TRPS1: variants seen among roughly 807,000 people sequenced by gnomAD.
TRPS1 encodes the protein zinc finger transcription factor Trps1.
Under a neutral mutation model 101.2 loss-of-function variants are expected in TRPS1, and 6 were observed. The ratio of observed to expected loss-of-function variants is 0.06; its 90% CI spans 0.03 to 0.12. The LOEUF is 0.12. TRPS1 is among the 10% of genes least tolerant of loss of function. The pLI is 1.00. For missense variants in TRPS1, 1,363 were observed against 1,567.0 expected, an observed-to-expected ratio of 0.87 and a Z score of 2.20; for synonymous variants, 578 against 589.8, an observed-to-expected ratio of 0.98 and a Z score of 0.29.
chr8:115,595,419 C>T (rs918819476), intron 4 of TRPS1, among the ~76,000 whole-genome samples: 1 of 151,872 alleles, frequency 6.6e-6, no homozygotes, highest in African/African-American at 2.4e-5. Context: ...AAATAGTCTA[C>T]AGAACATAAT....
At chr8:115,452,266 T>C (rs755232212) in intron 5 of TRPS1, among the ~76,000 whole-genome samples, 13 of 152,202 alleles carry the variant, frequency 8.5e-5, no homozygotes, top group South Asian at 2.1e-4. Context: ...AGTCGAACAA[T>C]GTTATGACAA....
intron 5 of TRPS1, among the ~76,000 whole-genome samples, chr8:115,473,599 A>C (rs1386302312): frequency 6.6e-6 from 1 of 152,232 alleles, no homozygotes; most frequent in Non-Finnish European, 1.5e-5. Context: ...GTAGGGAAGA[A>C]GAAACAAAAA....
chr8:115,452,997 A>G (rs1312936906), intron 5 of TRPS1, among the ~76,000 whole-genome samples: 1 of 152,148 alleles, frequency 6.6e-6, no homozygotes, highest in Non-Finnish European at 1.5e-5. Context: ...GTATAGTAAT[A>G]AAATAATTTT....
At chr8:115,627,820 C>T (rs937457912) in intron 1 of TRPS1, among the ~76,000 whole-genome samples, 1 of 151,798 alleles carries the variant, frequency 6.6e-6, no homozygotes, top group Non-Finnish European at 1.5e-5. Context: ...CTTAATAAAT[C>T]TGTGTCAATC....
chr8:115,418,297 A>G lies in TRPS1; in HGVS notation c.2823+33T>C, dbSNP rs780965642. On this transcript the variant is annotated intron_variant, in intron 6 of 6. Coordinates refer to ENST00000395715, the MANE Select transcript of TRPS1 (RefSeq NM_014112.5). The surrounding 1 kb of genome is among the most constrained non-coding windows in gnomAD (Gnocchi z 4.3). ...AGACCAGGCCAACACTGCTTTATAAAGCTTTTCCTGAAAGAGTGGAACAAG... is the reference window on the plus strand; with the variant it reads ...AGACCAGGCCAACACTGCTTTATAAGGCTTTTCCTGAAAGAGTGGAACAAG... 5 of 1,613,904 alleles carry G rather than the reference A, an allele frequency of 3.1e-6. No individual in the cohort carries two copies. The African/African-American group carries it at 6.7e-5, about 22-fold the overall frequency.
At chr8:115,568,044 C>T (rs1817110658) in intron 5 of TRPS1, among the ~76,000 whole-genome samples, 1 of 152,006 alleles carries the variant, frequency 6.6e-6, no homozygotes, top group African/African-American at 2.4e-5. Flanking sequence ...GTTGACAATG[C>T]CCAGCATCAT....
In TRPS1 at chr8:115,466,965, G is replaced by A. The variant is rs1292040849; in HGVS notation, c.2701-48513C>T. Reference sequence around the variant, plus strand: ...CTGGAAATTATGCGCTACTTTAATAGACATCCCCTCAGAATGGAATAAAAA... The same window carrying A: ...CTGGAAATTATGCGCTACTTTAATAAACATCCCCTCAGAATGGAATAAAAA... On this transcript the variant is annotated intron_variant, in intron 5 of 6. Coordinates refer to ENST00000395715, the MANE Select transcript of TRPS1 (RefSeq NM_014112.5). Among the ~76,000 whole-genome samples the A allele has an allele frequency of 2.6e-5, 4 of 151,618 alleles. No homozygotes were observed. The East Asian group carries it at 7.7e-4, about 29-fold the overall frequency.
chr8:115,446,003 C>A (rs553218719), intron 5 of TRPS1, among the ~76,000 whole-genome samples: 1 of 151,584 alleles, frequency 6.6e-6, no homozygotes, highest in South Asian at 2.1e-4. Flanking sequence ...CTCTTTTTTC[C>A]CCCTTTCGAA....
intron 6 of TRPS1, among the ~76,000 whole-genome samples, chr8:115,415,425 A>T (rs1812895114): frequency 6.6e-6 from 1 of 152,034 alleles, no homozygotes; most frequent in Non-Finnish European, 1.5e-5. Flanking sequence ...TTTTTCTGAA[A>T]TTTTTTTTCA....
chr8:115,481,302 G>C (rs1405502228), intron 5 of TRPS1, among the ~76,000 whole-genome samples: 1 of 152,044 alleles, frequency 6.6e-6, no homozygotes, highest in Non-Finnish European at 1.5e-5. Flanking sequence ...CAAATGCATT[G>C]AGTTTAAATT....
intron 5 of TRPS1, among the ~76,000 whole-genome samples, chr8:115,421,916 GGAACGCAGAGTA>G (rs1301714754): frequency 6.6e-6 from 1 of 152,112 alleles, no homozygotes; most frequent in Non-Finnish European, 1.5e-5. Context: ...TGTTACCAAA[GGAACGCAGAGTA>G]GAAGCCTCCT....
At chr8:115,533,436 G>GTTTATTTTTTTTTTTTTTT (rs1816187745) in intron 5 of TRPS1, among the ~76,000 whole-genome samples, 1 of 34,986 alleles carries the variant, frequency 2.9e-5, no homozygotes, top group Non-Finnish European at 5.3e-5. Flanking sequence ...CATGTAATCT[G>GTTTATTTTTTTTTTTTTTT]TTTTTTTTTT....
chr8:115,550,475 A>T (rs1407409989), intron 5 of TRPS1, among the ~76,000 whole-genome samples: 1 of 152,186 alleles, frequency 6.6e-6, no homozygotes, highest in East Asian at 1.9e-4. Flanking sequence ...TTAGTGGCTA[A>T]ATCTTAAGGA....
intron 1 of TRPS1, among the ~76,000 whole-genome samples, chr8:115,646,812 T>C (rs1055070002): frequency 6.6e-6 from 1 of 152,156 alleles, no homozygotes; most frequent in Non-Finnish European, 1.5e-5. Flanking sequence ...CATATTACTT[T>C]AAAAAGAGTT....
chr8:115,642,629 T>G (rs889487732), intron 1 of TRPS1, among the ~76,000 whole-genome samples: 18 of 151,936 alleles, frequency 1.2e-4, no homozygotes, highest in Admixed American at 2.0e-4. Flanking sequence ...ATTGGTACTC[T>G]CAATTAGGGA....
rs766183011 is a variant in TRPS1 at position 115,619,211 on chromosome 8, T to C, written c.887A>G (p.Asn296Ser). ...CAGCACACCAGAAAACACAGAACGG[T>C]TGACCTTCTGGAAGTCTTTGGAATG... The part of the protein sequence containing the change: ...FSHSKDFQKV[N>S]RSVFSGVLQD... Residue 296 changes from asparagine (N) to serine (S), a missense_variant, in exon 3 of 7, where the codon AAC (asparagine) becomes AGC (serine). By Grantham distance (46) the Asn-to-Ser change is conservative. Coordinates refer to ENST00000395715, the MANE Select transcript of TRPS1 (RefSeq NM_014112.5). 9 of 1,614,042 alleles carry C rather than the reference T, an allele frequency of 5.6e-6. No individual in the cohort carries two copies. The highest frequency in any genetic ancestry group is 1.1e-5 in the South Asian group (1 of 91,090).
chr8:115,427,625 G>A (rs1813218370), intron 5 of TRPS1, among the ~76,000 whole-genome samples: 1 of 152,138 alleles, frequency 6.6e-6, no homozygotes, highest in Non-Finnish European at 1.5e-5. Context: ...TTACTAAAGA[G>A]GAGATTGGGG....
intron 1 of TRPS1, among the ~76,000 whole-genome samples, chr8:115,653,415 C>T (rs1222999332): frequency 3.3e-5 from 5 of 152,064 alleles, no homozygotes; most frequent in African/African-American, 1.2e-4. Context: ...ATATAGTATG[C>T]TCACCACACC....
intron 5 of TRPS1, among the ~76,000 whole-genome samples, chr8:115,566,488 T>C (rs1817070240): frequency 6.6e-6 from 1 of 152,140 alleles, no homozygotes; most frequent in Non-Finnish European, 1.5e-5. Flanking sequence ...AGGGAAGCAA[T>C]GATTTCTGAG....
Sources: allele counts gnomAD v4.1 joint callset (sites outside exome capture counted in the v4.1 genomes callset), GRCh38; gene constraint gnomAD v4.1.1; non-coding constraint Gnocchi (gnomAD v3.1); transcripts MANE v1.5; gene names NCBI Gene and HGNC (gene_info 2026-07-23, HGNC 2026-07-21).